Variants in DIS3L2 observed in about 807,000 individuals in gnomAD.
The protein encoded by DIS3L2 is DIS3 like 3'-5' exoribonuclease 2.
A neutral mutation model predicts 97.5 loss-of-function variants in DIS3L2; 34 were observed. The ratio of observed to expected loss-of-function variants is 0.35; its 90% CI spans 0.27 to 0.46. The LOEUF is 0.46. Ranked by LOEUF, DIS3L2 falls within the 20% of genes least tolerant of loss-of-function variation. The pLI, the probability that DIS3L2 is intolerant of heterozygous loss-of-function variation, is 1.00. For synonymous variants in DIS3L2, 435 were observed against 445.2 expected (o/e 0.98, Z 0.29); for missense variants, 1,038 against 1,146.0 (o/e 0.91, Z 1.36).
chr2:232,226,770 G>C (rs192873337), intron 10 of DIS3L2, among the ~76,000 whole-genome samples: 4 of 152,050 alleles, frequency 2.6e-5, no homozygotes, highest in Non-Finnish European at 5.9e-5. Flanking sequence ...CTAGGAGTTC[G>C]ACCCCAGCCT....
At chr2:232,013,551 C>G (rs1319747233) in intron 1 of DIS3L2, among the ~76,000 whole-genome samples, 1 of 152,196 alleles carries the variant, frequency 6.6e-6, no homozygotes, top group East Asian at 1.9e-4. Flanking sequence ...TAAAATCTCT[C>G]CTAAAGTACT....
At chr2:232,254,992 G>T (rs1693520627) in intron 12 of DIS3L2, among the ~76,000 whole-genome samples, 1 of 152,184 alleles carries the variant, frequency 6.6e-6, no homozygotes, top group South Asian at 2.1e-4. Flanking sequence ...GACCTGGTTG[G>T]TTAGTCCTGG....
intron 10 of DIS3L2, among the ~76,000 whole-genome samples, chr2:232,215,878 G>C (rs1304794765): frequency 6.6e-6 from 1 of 152,162 alleles, no homozygotes; most frequent in African/African-American, 2.4e-5. Context: ...TGGGGCTTCT[G>C]AGTGAAAAGG....
At chr2:232,237,740 G>A (rs867916121) in intron 10 of DIS3L2, among the ~76,000 whole-genome samples, 1 of 151,834 alleles carries the variant, frequency 6.6e-6, no homozygotes, top group Non-Finnish European at 1.5e-5. Flanking sequence ...ATGGTGGGAG[G>A]GGGGTAGAGG....
intron 6 of DIS3L2, among the ~76,000 whole-genome samples, chr2:232,102,292 G>A (rs959679659): frequency 2.0e-5 from 3 of 152,290 alleles, no homozygotes; most frequent in African/African-American, 7.2e-5. Context: ...GAAACAAAAA[G>A]CAAGAGAGAC....
At chr2:232,230,031 G>A (rs1692747881) in intron 10 of DIS3L2, among the ~76,000 whole-genome samples, 1 of 151,984 alleles carries the variant, frequency 6.6e-6, no homozygotes, top group Non-Finnish European at 1.5e-5. Context: ...CTTCTCTTAA[G>A]TTTGTAAAAT....
intron 9 of DIS3L2, among the ~76,000 whole-genome samples, chr2:232,174,878 G>T (rs530548690): frequency 2.0e-5 from 3 of 150,170 alleles, no homozygotes; most frequent in African/African-American, 7.5e-5. Flanking sequence ...GTCTTGCTCT[G>T]TTGCCAGGCT....
chr2:232,094,817 A>G (rs972144325), intron 6 of DIS3L2, among the ~76,000 whole-genome samples: 1 of 151,378 alleles, frequency 6.6e-6, no homozygotes, highest in East Asian at 1.9e-4. Context: ...TATTTGCTTT[A>G]TATATCTGGG....
intron 19 of DIS3L2, chr2:232,335,412 C>G (rs1445856031): frequency 2.2e-5 from 6 of 270,646 alleles, no homozygotes; most frequent in African/African-American, 8.9e-5. Context: ...CTAGCTCACC[C>G]TGCTGTGGGC....
At chr2:232,020,345 G>A (rs1574816671) in intron 3 of DIS3L2, among the ~76,000 whole-genome samples, 1 of 152,116 alleles carries the variant, frequency 6.6e-6, no homozygotes, top group East Asian at 1.9e-4. Flanking sequence ...AGTAAACCAG[G>A]TCAGAAAACA....
At position 232,292,926 on chromosome 2, in the gene DIS3L2, C is replaced by A. The variant is rs1426688062; in HGVS notation, c.1660-7114C>A. Among the ~76,000 whole-genome samples, 2 of 152,184 alleles carry A rather than the reference C, an allele frequency of 1.3e-5. No homozygotes were observed. The highest frequency in any genetic ancestry group is 2.9e-5 in the Non-Finnish European group (2 of 68,040). Reference sequence around the variant, plus strand: ...GTTGGAAACTGTCCACCCAGGGAAGCCTGTTCCTGGGGAAAGGATTGGGTA... The same window carrying A: ...GTTGGAAACTGTCCACCCAGGGAAGACTGTTCCTGGGGAAAGGATTGGGTA... On this transcript the variant is annotated intron_variant, in intron 13 of 20. Coordinates refer to ENST00000325385, the MANE Select transcript of DIS3L2 (RefSeq NM_152383.5). This position sits in a 1 kb window ranked among gnomAD's most constrained non-coding sequence, Gnocchi z 4.4.
chr2:232,186,803 G>A (rs1187347750), intron 9 of DIS3L2, among the ~76,000 whole-genome samples: 1 of 152,158 alleles, frequency 6.6e-6, no homozygotes, highest in African/African-American at 2.4e-5. Context: ...TGTATCATGT[G>A]TACAAATTAA....
intron 8 of DIS3L2, among the ~76,000 whole-genome samples, chr2:232,148,017 CTCTCCTCTCT>C (rs1354860162): frequency 7.8e-6 from 1 of 128,702 alleles, no homozygotes; most frequent in African/African-American, 2.9e-5. Flanking sequence ...CTCTCCTCTC[CTCTCCTCTCT>C]TCTCCTGTCC....
At chr2:232,104,125 A>G (rs1317322251) in intron 6 of DIS3L2, among the ~76,000 whole-genome samples, 2 of 152,070 alleles carry the variant, frequency 1.3e-5, no homozygotes, top group East Asian at 3.9e-4. Context: ...TTTCTTTTAG[A>G]TATGGTAAAT....
chr2:232,015,562 A>C lies in DIS3L2; in HGVS notation c.101A>C (p.Asp34Ala), dbSNP rs776585118. Residue 34 changes from aspartate (D) to alanine (A), a missense_variant, in exon 3 of 21, where the codon GAC (aspartate) becomes GCC (alanine). By Grantham distance (126) the Asp-to-Ala change is moderately radical. Transcript: ENST00000325385. ...CATGACATTGGTGCTTCGCCAGGTG[A>C]CAAAAAGTCAAAGAACAGGTCCACA... ...GPHDIGASPG[D>A]KKSKNRSTRG... 15 of 1,613,936 alleles carry C rather than the reference A, an allele frequency of 9.3e-6. No homozygotes were observed. Among genetic ancestry groups the C allele is most frequent in the Non-Finnish European group, 1.1e-5 (13 of 1,179,966 alleles).
At chr2:232,171,721 A>T (rs1690996080) in intron 9 of DIS3L2, among the ~76,000 whole-genome samples, 1 of 152,194 alleles carries the variant, frequency 6.6e-6, no homozygotes, top group Non-Finnish European at 1.5e-5. Context: ...ATCCCAACTC[A>T]CTGTGAAATT....
At chr2:232,294,617 C>G (rs1353165356) in intron 13 of DIS3L2, among the ~76,000 whole-genome samples, 1 of 152,194 alleles carries the variant, frequency 6.6e-6, no homozygotes, top group East Asian at 1.9e-4. Context: ...GTCAGACACA[C>G]AGCCTGCTCT....
At chr2:232,188,781 A>G (rs1691521008) in intron 9 of DIS3L2, among the ~76,000 whole-genome samples, 1 of 152,156 alleles carries the variant, frequency 6.6e-6, no homozygotes, top group Admixed American at 6.5e-5. Context: ...TAAGAAAAGA[A>G]AAAGATGAGC....
intron 8 of DIS3L2, among the ~76,000 whole-genome samples, chr2:232,139,470 C>G (rs1355518832): frequency 6.6e-6 from 1 of 151,846 alleles, no homozygotes; most frequent in East Asian, 1.9e-4. Context: ...AGGTGTTTTC[C>G]CTCGTCAGTA....
Sources: allele counts gnomAD v4.1 joint callset (sites outside exome capture counted in the v4.1 genomes callset), GRCh38; gene constraint gnomAD v4.1.1; non-coding constraint Gnocchi (gnomAD v3.1); transcripts MANE v1.5; gene names NCBI Gene and HGNC (gene_info 2026-07-23, HGNC 2026-07-21).